The following SNRNP40 variants were observed in gnomAD, a reference collection of about 807,000 sequenced individuals.
SNRNP40 encodes U5 small nuclear ribonucleoprotein 40 kDa protein.
A neutral mutation model predicts 45.8 loss-of-function variants in SNRNP40; 21 were observed. The ratio of observed to expected loss-of-function variants is 0.46; its 90% confidence interval spans 0.32 to 0.66. SNRNP40 has a LOEUF of 0.66. Ranked by LOEUF, SNRNP40 falls within the 30% of genes least tolerant of loss-of-function variation. The pLI is 0.03. For synonymous variants in SNRNP40, 142 were observed against 163.8 expected (o/e 0.87, Z 1.01); for missense variants, 344 against 439.1 (o/e 0.78, Z 1.94).
At chr1:31,264,653 C>A (rs574023901) in intron 8 of SNRNP40, among the ~76,000 whole-genome samples, 2 of 152,324 alleles carry the variant, frequency 1.3e-5, no homozygotes, top group South Asian at 4.1e-4. Flanking sequence ...GTACACTCAT[C>A]ATCAAAACAG....
At chr1:31,291,563 C>T (rs967759186) in intron 3 of SNRNP40, among the ~76,000 whole-genome samples, 2 of 152,022 alleles carry the variant, frequency 1.3e-5, no homozygotes, top group African/African-American at 4.8e-5. Context: ...CTTGTGGCCC[C>T]AGCTATTTGG....
Position 31,284,346 on chromosome 1 carries a change from C to T in SNRNP40, c.532-2850G>A, listed in dbSNP as rs545780702. Among the ~76,000 whole-genome samples the T allele has an allele frequency of 5.6e-4, 86 of 152,352 alleles. 1 individual carries two copies. The South Asian group carries it at 0.016, about 28-fold the overall frequency. The stretch of plus-strand genomic sequence containing the variant: ...CTATTTTTAGAAGAGACGGGGGTTT[C>T]ACCATGTTGGCCAGGCTGGTCTCGA... On this transcript the variant is annotated intron_variant, in intron 4 of 9. Transcript: ENST00000263694.
intron 4 of SNRNP40, among the ~76,000 whole-genome samples, chr1:31,284,800 CTTCT>C (rs771346615): frequency 6.6e-6 from 1 of 152,172 alleles, no homozygotes; most frequent in Non-Finnish European, 1.5e-5. Context: ...AAAGTAGTTT[CTTCT>C]TTGTTCATGT....
At chr1:31,269,294 C>T in intron 6 of SNRNP40, 54 bp from the exon 7 acceptor site, 2 of 1,605,228 alleles carry the variant, frequency 1.2e-6, no homozygotes, top group Non-Finnish European at 8.5e-7. Flanking sequence ...CGGCCAGAGG[C>T]CTCCTGGGCA....
At chr1:31,278,201 A>T (rs1162188297) in intron 5 of SNRNP40, among the ~76,000 whole-genome samples, 1 of 152,168 alleles carries the variant, frequency 6.6e-6, no homozygotes, top group Non-Finnish European at 1.5e-5. Flanking sequence ...TCTTTTATTT[A>T]AGCTGTGAGA....
At chr1:31,265,235 C>T (rs1268427558) in intron 8 of SNRNP40, among the ~76,000 whole-genome samples, 1 of 152,128 alleles carries the variant, frequency 6.6e-6, no homozygotes, top group Non-Finnish European at 1.5e-5. Context: ...TGGGGTCCTT[C>T]TGCCTCAGCC....
chr1:31,262,602 G>A (rs1341829782), intron 8 of SNRNP40, among the ~76,000 whole-genome samples: 1 of 151,006 alleles, frequency 6.6e-6, no homozygotes, highest in Non-Finnish European at 1.5e-5. Flanking sequence ...AAGAAAACTG[G>A]GGCACAGTGA....
At chr1:31,264,570 T>C (rs537886916) in intron 8 of SNRNP40, among the ~76,000 whole-genome samples, 19 of 152,292 alleles carry the variant, frequency 1.2e-4, no homozygotes, top group African/African-American at 4.6e-4. Flanking sequence ...CATAACTTTG[T>C]TGAGAAAAAT....
At position 31,281,469 on chromosome 1, in the gene SNRNP40, T is replaced by A. The variant is rs770362016; in HGVS notation, c.559A>T (p.Ile187Phe). The A allele has an allele frequency of 6.2e-7, 1 of 1,607,922 alleles. No homozygotes were observed. Among genetic ancestry groups the A allele is most frequent in the Non-Finnish European group, 8.5e-7 (1 of 1,174,666 alleles). Reference sequence around the variant, plus strand: ...TGGTACGTGTTCTGAAATGTCTGGATGGCTGCTTTCTTCCGGATGTCCCAA... The same window carrying A: ...TGGTACGTGTTCTGAAATGTCTGGAAGGCTGCTTTCTTCCGGATGTCCCAA... Reference protein sequence around the residue: ...KLWDIRKKAAIQTFQNTYQVL... With the variant: ...KLWDIRKKAAFQTFQNTYQVL... The change falls in exon 5 of 10, where the codon ATC (isoleucine) becomes TTC (phenylalanine). Residue 187 changes from isoleucine (I) to phenylalanine (F), a missense_variant. Physicochemically the swap from Ile to Phe is conservative, Grantham distance 21. Around this residue, in one of 2 missense-constraint regions of SNRNP40, gnomAD observed 254 missense variants for 380.2 expected, o/e 0.67. Coordinates refer to ENST00000263694, the MANE Select transcript of SNRNP40 (RefSeq NM_004814.3).
At chr1:31,269,739 CA>C (rs888650574) in intron 6 of SNRNP40, 2 of 169,440 alleles carry the variant, frequency 1.2e-5, no homozygotes, top group African/African-American at 2.4e-5. Context: ...TCAAATAAAT[CA>C]AAAAAGCACT....
intron 4 of SNRNP40, among the ~76,000 whole-genome samples, chr1:31,288,361 G>A (rs1646076975): frequency 2.0e-5 from 3 of 152,134 alleles, no homozygotes; most frequent in Admixed American, 2.0e-4. Flanking sequence ...GTGCCTCTGA[G>A]ATAAATTATT....
At chr1:31,285,481 C>G (rs145154899) in intron 4 of SNRNP40, among the ~76,000 whole-genome samples, 22 of 152,192 alleles carry the variant, frequency 1.4e-4, no homozygotes, top group African/African-American at 5.1e-4. Flanking sequence ...TCAAGTGATC[C>G]ACCTGCCTAG....
chr1:31,296,782 T>A lies in SNRNP40; in HGVS notation c.-31A>T, dbSNP rs772648244. ...CAACCGGTCTCTTCAGCGCCGCCAC[T>A]GACCGCGCTGCCGCTCTCAGGCGCC... On this transcript the variant is annotated 5_prime_UTR_variant, in exon 1 of 10. Transcript: ENST00000263694. 6 of 1,552,610 alleles carry A rather than the reference T, an allele frequency of 3.9e-6. No individual in the cohort carries two copies. The highest frequency in any genetic ancestry group is 5.2e-6 in the Non-Finnish European group (6 of 1,149,462).
chr1:31,259,706 C>T lies in SNRNP40; in HGVS notation c.*366G>A, dbSNP rs1395242392. 2.6e-6 allele frequency: 1 copy of T among 388,000 alleles called. No individual in the cohort carries two copies. Among genetic ancestry groups the T allele is most frequent in the African/African-American group, 3.1e-5 (1 of 32,626 alleles). 24.0% of individuals were successfully genotyped at this position (388,000 alleles called of 1,614,324 possible). On this transcript the variant is annotated 3_prime_UTR_variant, in exon 10 of 10. Coordinates refer to ENST00000263694, the MANE Select transcript of SNRNP40 (RefSeq NM_004814.3). The stretch of plus-strand genomic sequence containing the variant: ...AAAGGCATCTATTTGGCTTTTAATA[C>T]AAAATGATATAGAGAAATACAGAAA...
intron 6 of SNRNP40, among the ~76,000 whole-genome samples, chr1:31,270,085 T>C (rs1036269224): frequency 3.7e-4 from 56 of 152,098 alleles, no homozygotes; most frequent in African/African-American, 1.3e-3. Flanking sequence ...GTATTTTTAG[T>C]AGAGATGGGG....
chr1:31,277,710 T>C (rs184652058), intron 5 of SNRNP40, among the ~76,000 whole-genome samples: 148 of 152,372 alleles, frequency 9.7e-4, no homozygotes, highest in African/African-American at 3.4e-3. Context: ...TTTTTAATGC[T>C]TTGAGACAGG....
Position 31,259,992 on chromosome 1 carries a change from TG to T in SNRNP40, c.*79del. The T allele has an allele frequency of 9.6e-7, 1 of 1,038,368 alleles. No individual in the cohort carries two copies. Among genetic ancestry groups the T allele is most frequent in the Non-Finnish European group, 1.5e-6 (1 of 655,632 alleles). The allele number at this position is 1,038,368 out of a possible 1,614,324, so 64.3% of individuals were successfully genotyped here. On this transcript the variant is annotated 3_prime_UTR_variant, in exon 10 of 10. Coordinates refer to ENST00000263694, the MANE Select transcript of SNRNP40 (RefSeq NM_004814.3). Reference sequence around the variant, plus strand: ...GTCATCTGAAGGGAGGGTGCTAGCCTGGACATCCAACATTTGGCATCACTTA... The same window carrying T: ...GTCATCTGAAGGGAGGGTGCTAGCCTGACATCCAACATTTGGCATCACTTA...
chr1:31,291,505 T>C (rs1452296532), intron 3 of SNRNP40, among the ~76,000 whole-genome samples: 1 of 152,112 alleles, frequency 6.6e-6, no homozygotes, highest in African/African-American at 2.4e-5. Flanking sequence ...AGCAAGACCA[T>C]GTCTCCACAA....
In SNRNP40 at chr1:31,289,481, T is replaced by A; in HGVS notation, c.366-62A>T. 2.7e-6 allele frequency: 4 copies of A among 1,503,866 alleles called. No individual in the cohort carries two copies. In the South Asian group the frequency reaches 4.7e-5, roughly 18 times the overall value. 93.2% of individuals were successfully genotyped at this position (1,503,866 alleles called of 1,614,324 possible). On this transcript the variant is annotated intron_variant, in intron 3 of 9. Coordinates refer to ENST00000263694, the MANE Select transcript of SNRNP40 (RefSeq NM_004814.3). ...GAAGATAAACAGTAACAATCTATCT[T>A]TCCTACTTGACAAAAGGTGCCAAAT... is the stretch of plus-strand genomic sequence containing the variant.
Sources: allele counts gnomAD v4.1 joint callset (sites outside exome capture counted in the v4.1 genomes callset), GRCh38; gene constraint gnomAD v4.1.1; regional missense constraint gnomAD v4.1.1; transcripts MANE v1.5; gene names NCBI Gene and HGNC (gene_info 2026-07-23, HGNC 2026-07-21).